Variants in ANKMY1 observed in about 807,000 individuals in gnomAD.
The protein encoded by ANKMY1 is ankyrin repeat and MYND domain-containing protein 1.
In ANKMY1, 98 loss-of-function variants were observed where a neutral mutation model predicts 102.0. That is an observed-to-expected ratio of 0.96 (90% CI 0.82 to 1.14). The LOEUF (loss-of-function observed/expected upper bound fraction) is 1.14, where lower values mean the gene tolerates loss of function less well. Ranked by LOEUF, ANKMY1 falls within the 50% of genes most tolerant of loss-of-function variation. ANKMY1 has a pLI of 0.00. For synonymous variants in ANKMY1, 582 were observed against 559.9 expected (o/e 1.04, Z -0.56); for missense variants, 1,330 against 1,347.6 (o/e 0.99, Z 0.20).
chr2:240,522,233 A>C (rs1428362363), intron 8 of ANKMY1: 1 of 152,228 alleles, frequency 6.6e-6, no homozygotes, highest in African/African-American at 2.4e-5. Context: ...AGCTAGACAC[A>C]AAAGTTCTCC....
rs1432000392 is a variant in ANKMY1 at position 240,525,710 on chromosome 2, G to GC, written c.1309dup (p.Ala437GlyfsTer2). 1 of 1,614,008 alleles carries GC rather than the reference G, an allele frequency of 6.2e-7. No individual in the cohort carries two copies. Among genetic ancestry groups the GC allele is most frequent in the African/African-American group, 1.3e-5 (1 of 74,922 alleles). ...CTGGGGCTCAGGTATGGTCCGTTCA[G>GC]CAACATTGGGCTTGAAGGACTGGGC... is the stretch of plus-strand genomic sequence containing the variant. On this transcript the variant is annotated frameshift_variant, in exon 7 of 18. Coordinates refer to ENST00000401804, the MANE Select transcript of ANKMY1 (RefSeq NM_001282771.3). LOFTEE classifies it high-confidence loss of function.
chr2:240,482,503 G>A (rs1054015807), intron 15 of ANKMY1, among the ~76,000 whole-genome samples: 1 of 152,258 alleles, frequency 6.6e-6, no homozygotes, highest in South Asian at 2.1e-4. Flanking sequence ...CTGCTGCTTC[G>A]CCTGTGTTGT....
intron 4 of ANKMY1, among the ~76,000 whole-genome samples, chr2:240,550,195 G>A (rs1264025798): frequency 2.6e-5 from 4 of 152,076 alleles, no homozygotes; most frequent in African/African-American, 9.6e-5. Flanking sequence ...CATAAAAAAT[G>A]AGTTCACATC....
the ANKMY1 span, among the ~76,000 whole-genome samples, chr2:240,469,128 G>C: frequency 6.6e-6 from 1 of 152,228 alleles, no homozygotes; most frequent in Non-Finnish European, 1.5e-5. Flanking sequence ...ATTTGGTCCA[G>C]CCGGCAGGAT....
At chr2:240,511,454 C>T (rs1181108104) in intron 11 of ANKMY1, among the ~76,000 whole-genome samples, 1 of 152,214 alleles carries the variant, frequency 6.6e-6, no homozygotes, top group East Asian at 1.9e-4. Flanking sequence ...TCGAGGCAGG[C>T]AGGAGGCAGC....
At position 240,525,673 on chromosome 2, in the gene ANKMY1, C is replaced by G. The variant is rs201362755; in HGVS notation, c.1335+12G>C. 1.2e-6 allele frequency: 2 copies of G among 1,612,614 alleles called. No individual in the cohort carries two copies. Among genetic ancestry groups the G allele is most frequent in the Non-Finnish European group, 1.7e-6 (2 of 1,179,346 alleles). ...AGACAGTTGGTGGTGCAGTGGCCAC[C>G]GGGGGGCTTACCTGGGGCTCAGGTA... On this transcript the variant is annotated intron_variant, in intron 7 of 17. Transcript: ENST00000401804.
chr2:240,523,777 C>G, intron 8 of ANKMY1, 108 bp downstream of exon 8: 1 of 1,472,456 alleles, frequency 6.8e-7, no homozygotes, highest in Non-Finnish European at 9.1e-7. Flanking sequence ...CACACATCTC[C>G]AGACACAACG....
chr2:240,480,955 C>G lies in ANKMY1; in HGVS notation c.3028G>C (p.Gly1010Arg). Residue 1010 changes from glycine (G) to arginine (R), a missense_variant, in exon 17 of 18, where the codon GGG (glycine) becomes CGG (arginine). Coordinates refer to ENST00000401804, the MANE Select transcript of ANKMY1 (RefSeq NM_001282771.3). ...AWTEFHKKDC[G>R]DLVAIVTQLE... ...GACCTACCGATGGCCACCAGGTCCCCGCAGTCCTTCTTGTGGAACTCGGTC... is the reference window on the plus strand; with the variant it reads ...GACCTACCGATGGCCACCAGGTCCCGGCAGTCCTTCTTGTGGAACTCGGTC... 14 of 1,611,782 alleles carry G rather than the reference C, an allele frequency of 8.7e-6. No individual in the cohort carries two copies. The highest frequency in any genetic ancestry group is 1.1e-5 in the Non-Finnish European group (13 of 1,178,140).
In ANKMY1 at chr2:240,552,944, G is replaced by A. The variant is rs1305971399; in HGVS notation, c.450C>T (p.Gly150=). 1 of 1,613,810 alleles carries A rather than the reference G, an allele frequency of 6.2e-7. No homozygotes were observed. The highest frequency in any genetic ancestry group is 1.1e-5 in the South Asian group (1 of 91,066). The change falls in exon 4 of 18, where the codon GGC becomes GGT. Residue 150 remains glycine, a synonymous_variant. Transcript: ENST00000401804. ...TFYLSHREGY[G]TMYMKTRLFQ... is the part of the protein sequence containing the mutation. ...AAAGCCGTGTCTTCATGTACATGGT[G>A]CCGTAGCCTTCTCGGTGGCTGAGGT...
At chr2:240,491,043 A>G (rs940854706) in intron 15 of ANKMY1, among the ~76,000 whole-genome samples, 4 of 147,618 alleles carry the variant, frequency 2.7e-5, no homozygotes, top group Non-Finnish European at 5.9e-5. Context: ...TAGCATTGTT[A>G]TATCCTCTTG....
intron 4 of ANKMY1, among the ~76,000 whole-genome samples, chr2:240,544,716 G>T (rs1212400973): frequency 6.6e-6 from 1 of 152,250 alleles, no homozygotes; most frequent in African/African-American, 2.4e-5. Context: ...GGGTCAGGGA[G>T]TTCCCTTTCC....
intron 4 of ANKMY1, among the ~76,000 whole-genome samples, chr2:240,548,214 C>T (rs1410783838): frequency 6.6e-6 from 1 of 152,144 alleles, no homozygotes; most frequent in East Asian, 1.9e-4. Flanking sequence ...TCAATATACG[C>T]AAATCAGTAA....
chr2:240,543,001 A>C (rs913515645), intron 4 of ANKMY1, among the ~76,000 whole-genome samples: 1 of 151,810 alleles, frequency 6.6e-6, no homozygotes, highest in Non-Finnish European at 1.5e-5. Flanking sequence ...AATAAGTCCA[A>C]GCAGTTTTCA....
At chr2:240,472,953 C>T in the ANKMY1 span, among the ~76,000 whole-genome samples, 16 of 151,854 alleles carry the variant, frequency 1.1e-4, no homozygotes, top group Non-Finnish European at 2.1e-4. Context: ...GGTGAAACCT[C>T]GTCTCTACTA....
rs1281184903 is a variant in ANKMY1 at position 240,506,073 on chromosome 2, C to T, written c.2526+1487G>A. Among the ~76,000 whole-genome samples, 2 of 152,022 alleles carry T rather than the reference C, an allele frequency of 1.3e-5. No individual in the cohort carries two copies. The highest frequency in any genetic ancestry group is 4.8e-5 in the African/African-American group (2 of 41,392). On this transcript the variant is annotated intron_variant, in intron 13 of 17. Coordinates refer to ENST00000401804, the MANE Select transcript of ANKMY1 (RefSeq NM_001282771.3). This position sits in a 1 kb window ranked among gnomAD's most constrained non-coding sequence, Gnocchi z 4.9. ...AACCCCGGACAAGATGCTGGGGAGCCCCCTAACCCTGGACGAGGTGCTGGG... is the reference window on the plus strand; with the variant it reads ...AACCCCGGACAAGATGCTGGGGAGCTCCCTAACCCTGGACGAGGTGCTGGG...
chr2:240,545,237 C>G (rs1488747554), intron 4 of ANKMY1, among the ~76,000 whole-genome samples: 1 of 152,216 alleles, frequency 6.6e-6, no homozygotes, highest in Non-Finnish European at 1.5e-5. Flanking sequence ...GAGGCACCCC[C>G]CAGCAGGGGC....
At chr2:240,478,047 T>G (rs938434604), downstream of ANKMY1, among the ~76,000 whole-genome samples, 3 of 152,152 alleles carry the variant, frequency 2.0e-5, no homozygotes, top group African/African-American at 7.2e-5. Flanking sequence ...TCTGGTGCAG[T>G]TCTCGTGGTC....
intron 4 of ANKMY1, among the ~76,000 whole-genome samples, chr2:240,532,338 G>T (rs946559617): frequency 6.6e-6 from 1 of 152,106 alleles, no homozygotes; most frequent in Non-Finnish European, 1.5e-5. Context: ...AAGAACTGAG[G>T]CAAAAACAAC....
intron 4 of ANKMY1, among the ~76,000 whole-genome samples, chr2:240,550,889 A>G (rs1003423913): frequency 6.6e-6 from 1 of 152,120 alleles, no homozygotes; most frequent in Admixed American, 6.5e-5. Context: ...GTCATCCACA[A>G]TTGTTTTGCT....
Sources: allele counts gnomAD v4.1 joint callset (sites outside exome capture counted in the v4.1 genomes callset), GRCh38; gene constraint gnomAD v4.1.1; non-coding constraint Gnocchi (gnomAD v3.1); transcripts MANE v1.5; gene names NCBI Gene and HGNC (gene_info 2026-07-23, HGNC 2026-07-21).